ABCA12: variants seen among roughly 807,000 people sequenced by gnomAD.
ABCA12 encodes the protein glucosylceramide transporter ABCA12.
A neutral mutation model predicts 293.5 loss-of-function variants in ABCA12; 156 were observed. The ratio of observed to expected loss-of-function variants is 0.53; its 90% CI spans 0.47 to 0.61. The LOEUF (loss-of-function observed/expected upper bound fraction) is 0.61. Ranked by LOEUF, ABCA12 falls within the 20% of genes least tolerant of loss-of-function variation. ABCA12 has a pLI of 0.00. For synonymous variants in ABCA12, 1,063 were observed against 1,108.0 expected, an observed-to-expected ratio of 0.96 and a Z score of 0.81; for missense variants, 2,797 against 3,090.2, an observed-to-expected ratio of 0.91 and a Z score of 2.25.
At chr2:215,115,530 A>G (rs1376274013) in intron 1 of ABCA12, among the ~76,000 whole-genome samples, 4 of 152,156 alleles carry the variant, frequency 2.6e-5, no homozygotes, top group African/African-American at 7.2e-5. Flanking sequence ...CAGTGTTTAA[A>G]GGTTTAGTAT....
At chr2:215,116,525 T>G (rs1380175613) in intron 1 of ABCA12, among the ~76,000 whole-genome samples, 1 of 152,136 alleles carries the variant, frequency 6.6e-6, no homozygotes, top group Non-Finnish European at 1.5e-5. Flanking sequence ...CATCCAAGAA[T>G]ACAGATACCA....
intron 13 of ABCA12, among the ~76,000 whole-genome samples, chr2:215,018,599 A>T (rs1424348413): frequency 6.6e-6 from 1 of 152,232 alleles, no homozygotes; most frequent in East Asian, 1.9e-4. Context: ...CACTACAGTT[A>T]TAAAGGGTTT....
In ABCA12 at chr2:214,932,312, A is replaced by C; in HGVS notation, c.*322T>G. ...TCAACTACCAAAATCCATGCCTTTT[A>C]AACTGTCTTTTTATTGAAAGTAATA... On this transcript the variant is annotated 3_prime_UTR_variant, in exon 53 of 53. Coordinates refer to ENST00000272895, the MANE Select transcript of ABCA12 (RefSeq NM_173076.3). The C allele has an allele frequency of 3.4e-6, 1 of 291,202 alleles. No homozygotes were observed. The highest frequency in any genetic ancestry group is 3.9e-5 in the South Asian group (1 of 25,746). The allele number at this position is 291,202 out of a possible 1,614,324, so 18.0% of individuals were successfully genotyped here.
chr2:215,029,216 G>C (rs1052078611), intron 9 of ABCA12: 6 of 152,040 alleles, frequency 3.9e-5, no homozygotes, highest in African/African-American at 1.4e-4. Context: ...AGAATATCTA[G>C]CATTTGTATT....
intron 2 of ABCA12, among the ~76,000 whole-genome samples, chr2:215,080,435 G>A (rs1390636254): frequency 2.6e-5 from 4 of 151,854 alleles, no homozygotes; most frequent in Admixed American, 6.6e-5. Context: ...CCCAGGAGGC[G>A]GAGGTTGCAG....
At chr2:215,071,760 C>T (rs1701742446) in intron 2 of ABCA12, among the ~76,000 whole-genome samples, 1 of 152,200 alleles carries the variant, frequency 6.6e-6, no homozygotes, top group Non-Finnish European at 1.5e-5. Flanking sequence ...GCTCATCGGG[C>T]TTCTCTTGCA....
chr2:214,937,419 A>C, intron 51 of ABCA12, 91 bp downstream of exon 51: 1 of 1,007,002 alleles, frequency 9.9e-7, no homozygotes, highest in East Asian at 2.5e-5. Flanking sequence ...GGCTGGTCTT[A>C]ACCTCCTGAC....
rs1703043638 is a variant in ABCA12 at position 215,131,044 on chromosome 2, A to G, written c.69+7096T>C. ...CTTAGTTCTGCTTATGTGGTGGATC[A>G]TGTTTATTGATTTGTGTATATTGAG... On this transcript the variant is annotated intron_variant, in intron 1 of 52. Coordinates refer to ENST00000272895, the MANE Select transcript of ABCA12 (RefSeq NM_173076.3). 2.0e-5 allele frequency among the ~76,000 whole-genome samples: 3 copies of G among 151,956 alleles called. 1 individual carries two copies. Among genetic ancestry groups the G allele is most frequent in the African/African-American group, 7.2e-5 (3 of 41,432 alleles).
intron 44 of ABCA12, among the ~76,000 whole-genome samples, chr2:214,953,490 C>T (rs1360634212): frequency 6.6e-6 from 1 of 152,186 alleles, no homozygotes; most frequent in African/African-American, 2.4e-5. Context: ...CACACTCAAT[C>T]CTCTTTCCCC....
In ABCA12 at chr2:214,948,607, C is replaced by T. The variant is rs726070; in HGVS notation, c.7093G>A (p.Asp2365Asn). The T allele has an allele frequency of 0.028, 45,005 of 1,613,738 alleles. 802 individuals are homozygous for T. Among genetic ancestry groups the T allele is most frequent in the Non-Finnish European group, 0.03 (35,260 of 1,179,726 alleles). The change falls in exon 47 of 53, where the codon GAT becomes AAT. Residue 2365 changes from aspartate to asparagine, a missense_variant. Physicochemically the swap from Asp to Asn is conservative, Grantham distance 23. Around this residue, in one of 3 missense-constraint regions of ABCA12, gnomAD observed 2,130 missense variants for 2,427.0 expected, o/e 0.88. Coordinates refer to ENST00000272895, the MANE Select transcript of ABCA12 (RefSeq NM_173076.3). The stretch of plus-strand genomic sequence containing the variant: ...ACACTTGTACTCACTTCTTTAATAT[C>T]CTTTTCTGGAATTCCATGTACCCTG... ...YARVHGIPEKDIKETVHKLLR... is the reference protein window; with the variant it reads ...YARVHGIPEKNIKETVHKLLR...
At chr2:215,075,615 C>T (rs1274973368) in intron 2 of ABCA12, 1 of 684,944 alleles carries the variant, frequency 1.5e-6, no homozygotes, top group East Asian at 2.7e-5. Context: ...GTAGAAGAAT[C>T]CCCTGTAAAA....
rs149610963 is a variant in ABCA12 at position 214,983,804 on chromosome 2, T to C, written c.4225A>G (p.Ile1409Val). The C allele has an allele frequency of 8.1e-3, 13,087 of 1,613,962 alleles. 76 individuals are homozygous for C. The highest frequency in any genetic ancestry group is 9.7e-3 in the Non-Finnish European group (11,432 of 1,179,954). The change falls in exon 29 of 53, where the codon ATC becomes GTC. Residue 1409 changes from isoleucine to valine, a missense_variant. By Grantham distance (29) the Ile-to-Val change is conservative. This residue lies in a region of ABCA12 where 2,130 missense variants were observed against 2,427.0 expected (regional missense o/e 0.88). Coordinates refer to ENST00000272895, the MANE Select transcript of ABCA12 (RefSeq NM_173076.3). ...AGTIFVYGKD[I>V]KTDLHTVRKN... is the part of the protein sequence containing the mutation. The stretch of plus-strand genomic sequence containing the variant: ...CGTACCGTGTGTAGGTCTGTTTTGA[T>C]ATCTTTTCCATATACAAAAATGGTG...
intron 31 of ABCA12, among the ~76,000 whole-genome samples, 154 bp from the exon 32 acceptor site, chr2:214,979,194 G>T (rs1699593733): frequency 6.6e-6 from 1 of 152,030 alleles, no homozygotes. Context: ...TTTGCCACTT[G>T]GGTCCCTATT....
intron 1 of ABCA12, among the ~76,000 whole-genome samples, chr2:215,111,953 C>T (rs1358758794): frequency 6.6e-6 from 1 of 152,088 alleles, no homozygotes; most frequent in Non-Finnish European, 1.5e-5. Context: ...CTCATGACTG[C>T]CCCAATCATC....
chr2:214,954,209 G>A, intron 43 of ABCA12, 102 bp from the exon 44 acceptor site: 1 of 1,284,536 alleles, frequency 7.8e-7, no homozygotes, highest in Admixed American at 2.1e-5. Context: ...AACCTAAAAA[G>A]CTTATCTAGA....
intron 3 of ABCA12, among the ~76,000 whole-genome samples, chr2:215,062,243 C>T (rs1304798458): frequency 6.6e-6 from 1 of 152,032 alleles, no homozygotes; most frequent in South Asian, 2.1e-4. Flanking sequence ...TAATTCATCA[C>T]TCACTTAGTG....
chr2:215,052,313 GA>G (rs146141895), intron 5 of ABCA12, among the ~76,000 whole-genome samples, 173 bp downstream of exon 5: 9,027 of 152,082 alleles, frequency 0.059, 886 homozygotes, highest in African/African-American at 0.2. Context: ...AAGGAATTCA[GA>G]ATGTCTTAAA....
chr2:214,945,096 C>T lies in ABCA12; in HGVS notation c.7248G>A (p.Pro2416=), dbSNP rs763124500. ...GKPSILLLDE[P]SSGMDPKSKR... is the part of the protein sequence containing the mutation. ...TCGACTTCGGATCCATGCCAGAGCT[C>T]GGCTCATCCTTAATAGAAAGTTACA... Residue 2416 remains proline, a synonymous_variant, in exon 49 of 53, where the codon CCG becomes CCA. Transcript: ENST00000272895. 6.2e-6 allele frequency: 10 copies of T among 1,612,998 alleles called. No homozygotes were observed. Among genetic ancestry groups the T allele is most frequent in the South Asian group, 2.2e-5 (2 of 90,968 alleles).
In ABCA12 at chr2:215,020,370, A is replaced by C. The variant is rs1700602125; in HGVS notation, c.1288-574T>G. 1.3e-5 allele frequency among the ~76,000 whole-genome samples: 2 copies of C among 152,092 alleles called. 1 individual carries two copies. Among genetic ancestry groups the C allele is most frequent in the Non-Finnish European group, 2.9e-5 (2 of 68,006 alleles). ...AAGAAATTCTGACACAGGCCATAAC[A>C]TGAATGAACCTTGAGGATACTATGC... On this transcript the variant is annotated intron_variant, in intron 11 of 52. Coordinates refer to ENST00000272895, the MANE Select transcript of ABCA12 (RefSeq NM_173076.3).
Sources: allele counts gnomAD v4.1 joint callset (sites outside exome capture counted in the v4.1 genomes callset), GRCh38; gene constraint gnomAD v4.1.1; regional missense constraint gnomAD v4.1.1; transcripts MANE v1.5; gene names NCBI Gene and HGNC (gene_info 2026-07-23, HGNC 2026-07-21).